The following MRPL3 variants were observed in gnomAD, a reference collection of about 807,000 sequenced individuals.
The protein encoded by MRPL3 is mitochondrial ribosomal protein L3.
Under a neutral mutation model 44.3 loss-of-function variants are expected in MRPL3, and 43 were observed. The observed-to-expected ratio is 0.97, with a 90% CI of 0.76 to 1.25. The LOEUF (loss-of-function observed/expected upper bound fraction) is 1.25. MRPL3 is among the 50% of genes most tolerant of loss of function. The pLI is 0.00. For missense variants in MRPL3, 406 were observed against 427.6 expected (o/e 0.95, Z 0.45); for synonymous variants, 171 against 152.3 (o/e 1.12, Z -0.91).
At chr3:131,492,670 A>G (rs959702740) in intron 4 of MRPL3, among the ~76,000 whole-genome samples, 1 of 152,190 alleles carries the variant, frequency 6.6e-6, no homozygotes, top group African/African-American at 2.4e-5. Context: ...CAGGCCACAG[A>G]GCAGTCTACA....
intron 5 of MRPL3, among the ~76,000 whole-genome samples, chr3:131,489,139 A>T (rs1309840908): frequency 6.6e-6 from 1 of 152,120 alleles, no homozygotes; most frequent in African/African-American, 2.4e-5. Flanking sequence ...TACACAACCA[A>T]ATATTTTAGA....
At chr3:131,473,755 A>T (rs1933791400) in intron 6 of MRPL3, among the ~76,000 whole-genome samples, 1 of 152,150 alleles carries the variant, frequency 6.6e-6, no homozygotes, top group Admixed American at 6.5e-5. Context: ...TGAGCAAAAT[A>T]TCTTAACACA....
chr3:131,479,454 T>C (rs1264662921), intron 6 of MRPL3, among the ~76,000 whole-genome samples: 4 of 152,188 alleles, frequency 2.6e-5, no homozygotes, highest in Admixed American at 1.3e-4. Flanking sequence ...TTCTCTGTTA[T>C]GGTAAAATGG....
chr3:131,502,039 C>T, intron 1 of MRPL3: 1 of 797,054 alleles, frequency 1.3e-6, no homozygotes, highest in Non-Finnish European at 1.9e-6. Flanking sequence ...AATAGTTTTA[C>T]ATTCAGTGGA....
intron 6 of MRPL3, among the ~76,000 whole-genome samples, chr3:131,486,979 T>C (rs556018070): frequency 1.3e-5 from 2 of 152,330 alleles, no homozygotes; most frequent in East Asian, 3.9e-4. Context: ...TTATAAATCA[T>C]GCTACTATAA....
At chr3:131,498,537 C>T (rs980160514) in intron 3 of MRPL3, among the ~76,000 whole-genome samples, 8 of 151,718 alleles carry the variant, frequency 5.3e-5, no homozygotes, top group East Asian at 1.9e-4. Flanking sequence ...CCCATCTCTA[C>T]TAAAAATACA....
At chr3:131,483,798 A>C (rs1934051109) in intron 6 of MRPL3, among the ~76,000 whole-genome samples, 1 of 151,880 alleles carries the variant, frequency 6.6e-6, no homozygotes, top group Non-Finnish European at 1.5e-5. Flanking sequence ...AAATGCAGAC[A>C]GTGTTTGTTC....
chr3:131,464,748 T>A (rs1199693095), intron 9 of MRPL3, among the ~76,000 whole-genome samples: 1 of 152,168 alleles, frequency 6.6e-6, no homozygotes, highest in Non-Finnish European at 1.5e-5. Context: ...TAATGCCAAT[T>A]AAATAGGTTG....
At chr3:131,492,706 T>C (rs909032133) in intron 4 of MRPL3, among the ~76,000 whole-genome samples, 1 of 152,124 alleles carries the variant, frequency 6.6e-6, no homozygotes, top group African/African-American at 2.4e-5. Context: ...ACCCCTGTTC[T>C]ATGTAACAGC....
At chr3:131,486,721 G>A (rs982836974) in intron 6 of MRPL3, among the ~76,000 whole-genome samples, 4 of 152,004 alleles carry the variant, frequency 2.6e-5, no homozygotes, top group African/African-American at 4.8e-5. Context: ...GCTCATCACC[G>A]GTCATCAAAG....
At position 131,462,591 on chromosome 3, in the gene MRPL3, T is replaced by C. The variant is rs1304801098; in HGVS notation, c.*132A>G. On this transcript the variant is annotated 3_prime_UTR_variant, in exon 10 of 10. Transcript: ENST00000264995. ...AATGGGGGTATGAATGATATATTTA[T>C]GCCCTTGACAAAGATGACATGTGTG... is the stretch of plus-strand genomic sequence containing the variant. 8 of 801,822 alleles carry C rather than the reference T, an allele frequency of 1.0e-5. No individual in the cohort carries two copies. Among genetic ancestry groups the C allele is most frequent in the Non-Finnish European group, 1.5e-5 (8 of 537,618 alleles). The allele number at this position is 801,822 out of a possible 1,614,324, so 49.7% of individuals were successfully genotyped here. A position where few individuals can be genotyped will look rare whatever the true frequency, so the allele number is the denominator to read the frequency against.
chr3:131,469,662 G>A (rs1291217808), intron 8 of MRPL3, 34 bp downstream of exon 8: 2 of 1,441,924 alleles, frequency 1.4e-6, no homozygotes. Context: ...AGACAATTTA[G>A]CTGTTCCTAA....
intron 6 of MRPL3, chr3:131,479,272 GAAGT>G (rs772436692): frequency 1.0e-5 from 5 of 499,020 alleles, no homozygotes; most frequent in Non-Finnish European, 1.6e-5. Flanking sequence ...TATGCTCTAA[GAAGT>G]TTAAGTGACT....
intron 1 of MRPL3, chr3:131,502,067 T>C (rs956857614): frequency 1.5e-6 from 1 of 652,186 alleles, no homozygotes; most frequent in African/African-American, 1.8e-5. Flanking sequence ...GAAGGTGGCA[T>C]GTTGATCTTT....
In MRPL3 at chr3:131,491,510, G is replaced by A. The variant is rs545768072; in HGVS notation, c.469-1430C>T. On this transcript the variant is annotated intron_variant, in intron 4 of 9. Coordinates refer to ENST00000264995, the MANE Select transcript of MRPL3 (RefSeq NM_007208.4). ...TGTCATATAGAAACTTAAGCTTAAC[G>A]TGTCTAAAACTGAACTCAACTCCCT... 2.6e-5 allele frequency among the ~76,000 whole-genome samples: 4 copies of A among 152,124 alleles called. No homozygotes were observed. The South Asian group carries it at 6.2e-4, about 24-fold the overall frequency.
intron 4 of MRPL3, among the ~76,000 whole-genome samples, chr3:131,492,882 A>G (rs1934289189): frequency 6.6e-6 from 1 of 152,162 alleles, no homozygotes; most frequent in Admixed American, 6.5e-5. Context: ...GTCACTAAAA[A>G]CAAAACCTAT....
chr3:131,487,212 A>C (rs1003690681), intron 6 of MRPL3: 4 of 154,870 alleles, frequency 2.6e-5, no homozygotes, highest in African/African-American at 9.6e-5. Context: ...AGAAAACCAA[A>C]CACCGCATGT....
At position 131,500,449 on chromosome 3, in the gene MRPL3, TGCTTTTG is replaced by T; in HGVS notation, c.343_349del (p.Gln115MetfsTer14). 1 of 1,613,740 alleles carries T rather than the reference TGCTTTTG, an allele frequency of 6.2e-7. No homozygotes were observed. Among genetic ancestry groups the T allele is most frequent in the Non-Finnish European group, 8.5e-7 (1 of 1,179,722 alleles). On this transcript the variant is annotated frameshift_variant, in exon 3 of 10. Transcript: ENST00000264995. LOFTEE classifies it high-confidence loss of function. ...TCTTACCTGAAGTAATGTGACCACA[TGCTTTTG>T]ACCATCCTTGGTCCATAAAGGCATC...
chr3:131,488,045 A>T (rs545677212), intron 5 of MRPL3, among the ~76,000 whole-genome samples: 59 of 152,220 alleles, frequency 3.9e-4, no homozygotes, highest in Admixed American at 2.0e-4. Flanking sequence ...ATACTAAATT[A>T]AGATATGTTT....
Sources: allele counts gnomAD v4.1 joint callset (sites outside exome capture counted in the v4.1 genomes callset), GRCh38; gene constraint gnomAD v4.1.1; transcripts MANE v1.5; gene names NCBI Gene and HGNC (gene_info 2026-07-23, HGNC 2026-07-21).